The following TRPA1 variants were observed in gnomAD, a reference collection of about 807,000 sequenced individuals.
TRPA1 encodes ankyrin-like with transmembrane domains 1.
Under a neutral mutation model 131.3 loss-of-function variants are expected in TRPA1, and 129 were observed. That is an observed-to-expected ratio of 0.98 (90% CI 0.85 to 1.14). The LOEUF (loss-of-function observed/expected upper bound fraction) is 1.14, where lower values mean the gene tolerates loss of function less well. Ranked by LOEUF, TRPA1 falls within the 50% of genes most tolerant of loss-of-function variation. The pLI, the probability that TRPA1 is intolerant of heterozygous loss-of-function variation, is 0.00. For missense variants in TRPA1, 1,304 were observed against 1,354.2 expected (o/e 0.96, Z 0.58); for synonymous variants, 441 against 451.7 (o/e 0.98, Z 0.30).
rs1438184516 is a variant in TRPA1 at position 72,036,343 on chromosome 8, A to G, written c.2500T>C (p.Cys834Arg). 6.2e-6 allele frequency: 10 copies of G among 1,614,218 alleles called. No homozygotes were observed. Among genetic ancestry groups the G allele is most frequent in the South Asian group, 1.1e-5 (1 of 91,074 alleles). Reference protein sequence around the residue: ...VEIPAHLQWQCGAIAVYFYWM... With the variant: ...VEIPAHLQWQRGAIAVYFYWM... ...TAGAAGTAAACAGCAATTGCTCCAC[A>G]TTGCCACTGCAGATGAGCTGGTATT... The change falls in exon 21 of 27, where the codon TGT (cysteine) becomes CGT (arginine). Residue 834 changes from cysteine to arginine, a missense_variant. Transcript: ENST00000262209.
chr8:72,036,388 CA>C lies in TRPA1; in HGVS notation c.2454del (p.Phe818LeufsTer27). 6.2e-7 allele frequency: 1 copy of C among 1,614,054 alleles called. No individual in the cohort carries two copies. The highest frequency in any genetic ancestry group is 8.5e-7 in the Non-Finnish European group (1 of 1,179,946). Reference protein sequence around the residue: ...EWIIYTTGIIFVLPLFVEIPA... With the variant: ...EWIIYTTGIIXVLPLFVEIPA... ...GGTATTTCAACAAACAAGGGCAGCA[CA>C]AAAATGATGCCCGTCGTGTAGATAA... On this transcript the variant is annotated frameshift_variant, in exon 21 of 27. Coordinates refer to ENST00000262209, the MANE Select transcript of TRPA1 (RefSeq NM_007332.3). LOFTEE classifies it high-confidence loss of function.
chr8:72,055,941 T>A (rs779360011), intron 10 of TRPA1, 86 bp from the exon 11 acceptor site: 37 of 1,385,290 alleles, frequency 2.7e-5, no homozygotes, highest in Non-Finnish European at 3.4e-5. Flanking sequence ...GAAAATATTT[T>A]CCAACAAGGG....
rs769515122 is a variant in TRPA1 at position 72,039,763 on chromosome 8, T to C, written c.2096A>G (p.Asn699Ser). The C allele has an allele frequency of 1.9e-6, 3 of 1,610,402 alleles. No individual in the cohort carries two copies. The highest frequency in any genetic ancestry group is 1.3e-5 in the African/African-American group (1 of 74,814). The change falls in exon 18 of 27, where the codon AAT becomes AGT. Residue 699 changes from asparagine (N) to serine (S), a missense_variant. Coordinates refer to ENST00000262209, the MANE Select transcript of TRPA1 (RefSeq NM_007332.3). ...TAAATATTCTTTACACACAGGATGA[T>C]TGAGAAGCTCTATGCGGTTATTTTG... is the stretch of plus-strand genomic sequence containing the variant. ...MVQNNRIELL[N>S]HPVCKEYLLM...
Position 72,023,055 on chromosome 8 carries a change from T to C in TRPA1, c.3211A>G (p.Lys1071Glu). 6.2e-7 allele frequency: 1 copy of C among 1,613,808 alleles called. No homozygotes were observed. Among genetic ancestry groups the C allele is most frequent in the Non-Finnish European group, 8.5e-7 (1 of 1,179,830 alleles). ...QHELIKLIIQ[K>E]MEIISETEDD... Reference sequence around the variant, plus strand: ...TCTGTCTCAGAGATGATCTCCATCTTCTGAATGATCAGTTTAATGAGCTCA... The same window carrying C: ...TCTGTCTCAGAGATGATCTCCATCTCCTGAATGATCAGTTTAATGAGCTCA... Residue 1071 changes from lysine to glutamate, a missense_variant, in exon 27 of 27, where the codon AAG (lysine) becomes GAG (glutamate). Physicochemically the swap from Lys to Glu is moderately conservative, Grantham distance 56. Coordinates refer to ENST00000262209, the MANE Select transcript of TRPA1 (RefSeq NM_007332.3).
At chr8:72,047,077 CAA>C in intron 16 of TRPA1, 69 bp downstream of exon 16, 1 of 1,173,964 alleles carries the variant, frequency 8.5e-7, no homozygotes, top group South Asian at 1.3e-5. Flanking sequence ...TCAATAGTAA[CAA>C]TATTTTTAAT....
intron 17 of TRPA1, 44 bp downstream of exon 17, chr8:72,046,469 A>G (rs772240372): frequency 3.5e-5 from 41 of 1,185,134 alleles, no homozygotes; most frequent in Non-Finnish European, 3.9e-5. Context: ...AAAAAAAAAA[A>G]GAAAAAAAAG....
At chr8:72,074,414 T>C (rs1806130858) in intron 1 of TRPA1, among the ~76,000 whole-genome samples, 2 of 152,264 alleles carry the variant, frequency 1.3e-5, no homozygotes, top group African/African-American at 2.4e-5. Context: ...TCTATTAGCA[T>C]GTGTGTTTTT....
rs747054902 is a variant in TRPA1 at position 72,034,287 on chromosome 8, CAGA to C, written c.2643_2645del (p.Leu882del). The C allele has an allele frequency of 7.2e-5, 115 of 1,607,906 alleles. No homozygotes were observed. The Admixed American group carries it at 1.9e-3, about 26-fold the overall frequency. On this transcript the variant is annotated inframe_deletion, in exon 22 of 27. Coordinates refer to ENST00000262209, the MANE Select transcript of TRPA1 (RefSeq NM_007332.3). ...GGATGTAAAAGCTGAGTCCAAAAGCCAGAAGAAGGAAGATAAATACAACTGTAG... is the reference window on the plus strand; with the variant it reads ...GGATGTAAAAGCTGAGTCCAAAAGCCAGAAGGAAGATAAATACAACTGTAG...
chr8:72,045,892 TG>T (rs1205173448), intron 17 of TRPA1, among the ~76,000 whole-genome samples: 1 of 152,042 alleles, frequency 6.6e-6, no homozygotes, highest in South Asian at 2.1e-4. Flanking sequence ...AAAGGTTTCT[TG>T]GGAAATTTAA....
intron 17 of TRPA1, among the ~76,000 whole-genome samples, chr8:72,041,572 G>A (rs1483525203): frequency 2.6e-5 from 4 of 151,894 alleles, no homozygotes; most frequent in South Asian, 2.1e-4. Flanking sequence ...TATGAAAATC[G>A]AAAAACCTGT....
intron 17 of TRPA1, among the ~76,000 whole-genome samples, chr8:72,044,996 A>C (rs1563390650): frequency 6.6e-6 from 1 of 151,960 alleles, no homozygotes; most frequent in Non-Finnish European, 1.5e-5. Context: ...AAATAGATAC[A>C]TTTTTTTCTG....
chr8:72,052,440 T>A, intron 14 of TRPA1, 159 bp downstream of exon 14: 2 of 800,298 alleles, frequency 2.5e-6, no homozygotes, highest in East Asian at 6.6e-5. Flanking sequence ...TAAATAAAAA[T>A]AAAAAATAAA....
In TRPA1 at chr8:72,073,404, C is replaced by T. The variant is rs377481944; in HGVS notation, c.112-1537G>A. 7.2e-5 allele frequency among the ~76,000 whole-genome samples: 11 copies of T among 152,134 alleles called. No individual in the cohort carries two copies. The East Asian group carries it at 9.6e-4, about 13-fold the overall frequency. On this transcript the variant is annotated intron_variant, in intron 1 of 26. Coordinates refer to ENST00000262209, the MANE Select transcript of TRPA1 (RefSeq NM_007332.3). ...CAGTTTTGTTAGTGTTCCTGAGATA[C>T]TGTGTATGTGCTGGAGAAAATATGT...
chr8:72,049,199 C>T (rs954230396), intron 15 of TRPA1, among the ~76,000 whole-genome samples: 1 of 152,136 alleles, frequency 6.6e-6, no homozygotes, highest in Non-Finnish European at 1.5e-5. Context: ...CTAATAACCA[C>T]ATAAGCAGCA....
chr8:72,024,854 G>T (rs1427188541), intron 25 of TRPA1, among the ~76,000 whole-genome samples: 1 of 152,058 alleles, frequency 6.6e-6, no homozygotes, highest in South Asian at 2.1e-4. Flanking sequence ...AGATACTGTG[G>T]CGTTAGAATA....
chr8:72,070,927 T>G (rs1806045444), intron 2 of TRPA1, among the ~76,000 whole-genome samples: 1 of 152,246 alleles, frequency 6.6e-6, no homozygotes, highest in African/African-American at 2.4e-5. Context: ...ACTTCCTTTC[T>G]GTTTTCTCAT....
chr8:72,071,642 C>T, intron 2 of TRPA1, 69 bp downstream of exon 2: 2 of 1,547,572 alleles, frequency 1.3e-6, no homozygotes, highest in Non-Finnish European at 1.8e-6. Flanking sequence ...AAATCACTTC[C>T]TTCCATTCTT....
Position 72,022,954 on chromosome 8 carries a change from A to C in TRPA1, c.3312T>G (p.Asn1104Lys). 1 of 1,613,882 alleles carries C rather than the reference A, an allele frequency of 6.2e-7. No individual in the cohort carries two copies. Among genetic ancestry groups the C allele is most frequent in the Non-Finnish European group, 8.5e-7 (1 of 1,179,848 alleles). Reference protein sequence around the residue: ...EQMEQRNSRWNTVLRAVKAKT... With the variant: ...EQMEQRNSRWKTVLRAVKAKT... ...TTGCCTTGACTGCTCTCAACACAGTATTCCATCTGCTATTCCTTTGTTCCA... is the reference window on the plus strand; with the variant it reads ...TTGCCTTGACTGCTCTCAACACAGTCTTCCATCTGCTATTCCTTTGTTCCA... The change falls in exon 27 of 27, where the codon AAT (asparagine) becomes AAG (lysine). Residue 1104 changes from asparagine (N) to lysine (K), a missense_variant. Coordinates refer to ENST00000262209, the MANE Select transcript of TRPA1 (RefSeq NM_007332.3).
chr8:72,036,546 C>A, intron 20 of TRPA1, 89 bp from the exon 21 acceptor site: 1 of 1,289,058 alleles, frequency 7.8e-7, no homozygotes, highest in East Asian at 2.4e-5. Context: ...TACAATTTTT[C>A]TAGCTTTGCA....
Sources: allele counts gnomAD v4.1 joint callset (sites outside exome capture counted in the v4.1 genomes callset), GRCh38; gene constraint gnomAD v4.1.1; transcripts MANE v1.5; gene names NCBI Gene and HGNC (gene_info 2026-07-23, HGNC 2026-07-21).